The following ANO4 variants were observed in gnomAD, a reference collection of about 807,000 sequenced individuals.
The protein encoded by ANO4 is anoctamin-4.
Under a neutral mutation model 141.9 loss-of-function variants are expected in ANO4, and 69 were observed. That is an observed-to-expected ratio of 0.49 (90% CI 0.40 to 0.59). The LOEUF is 0.59. Among genes scored for constraint, ANO4 ranks in the 20% least tolerant of loss-of-function variants. The probability of loss-of-function intolerance (pLI) is 0.00; values close to 1 mark genes in which losing one functional copy is unlikely to be tolerated. For missense variants in ANO4, 894 were observed against 1,162.2 expected, an observed-to-expected ratio of 0.77 and a Z score of 3.36; for synonymous variants, 350 against 394.3, an observed-to-expected ratio of 0.89 and a Z score of 1.33.
intron 1 of ANO4, among the ~76,000 whole-genome samples, chr12:100,723,436 C>A (rs1030915362): frequency 5.9e-5 from 9 of 152,040 alleles, no homozygotes; most frequent in Non-Finnish European, 1.2e-4. Context: ...TTGGTGTGTG[C>A]TCAGGGACAG....
intron 1 of ANO4, among the ~76,000 whole-genome samples, chr12:100,831,752 T>A (rs1282333302): frequency 6.6e-6 from 1 of 152,108 alleles, no homozygotes; most frequent in Non-Finnish European, 1.5e-5. Context: ...ACATGGGTTT[T>A]GCATGGCTAG....
chr12:100,941,008 A>G (rs2042487677), intron 4 of ANO4, among the ~76,000 whole-genome samples: 2 of 152,228 alleles, frequency 1.3e-5, no homozygotes, highest in Admixed American at 1.3e-4. Context: ...CATCTGATTT[A>G]TGAACCAGAA....
intron 5 of ANO4, among the ~76,000 whole-genome samples, chr12:100,954,121 A>G (rs2043083484): frequency 1.3e-5 from 2 of 152,152 alleles, no homozygotes. Context: ...TTCTTCTTTA[A>G]AATTCTTCCC....
intron 5 of ANO4, among the ~76,000 whole-genome samples, chr12:100,971,039 T>C (rs554297625): frequency 1.3e-5 from 2 of 152,340 alleles, no homozygotes; most frequent in African/African-American, 4.8e-5. Context: ...AACTTGTTTT[T>C]GCCTATCTTC....
chr12:100,961,931 T>C (rs2043442986), intron 5 of ANO4, among the ~76,000 whole-genome samples: 1 of 152,202 alleles, frequency 6.6e-6, no homozygotes, highest in Non-Finnish European at 1.5e-5. Context: ...TTTCCTTGGA[T>C]ACCCTGATGA....
chr12:100,917,845 C>A (rs2136088014), intron 2 of ANO4, among the ~76,000 whole-genome samples: 1 of 152,174 alleles, frequency 6.6e-6, no homozygotes, highest in South Asian at 2.1e-4. Context: ...CATTTTGAAG[C>A]TGTTTGGTTT....
At chr12:101,028,096 C>T (rs1369996428) in intron 9 of ANO4, among the ~76,000 whole-genome samples, 3 of 152,030 alleles carry the variant, frequency 2.0e-5, no homozygotes, top group Non-Finnish European at 4.4e-5. Context: ...AGGGACCTGA[C>T]CAGTGAAAGA....
intron 3 of ANO4, among the ~76,000 whole-genome samples, chr12:100,756,864 G>A (rs2032636050): frequency 6.6e-6 from 1 of 151,966 alleles, no homozygotes; most frequent in African/African-American, 2.4e-5. Flanking sequence ...TGCTTTTCCT[G>A]GTCTTGTCCA....
At chr12:100,879,852 A>C (rs947340634) in intron 1 of ANO4, among the ~76,000 whole-genome samples, 1 of 152,232 alleles carries the variant, frequency 6.6e-6, no homozygotes, top group Non-Finnish European at 1.5e-5. Flanking sequence ...ATTACAAAGT[A>C]ATGGGATACA....
At chr12:100,890,668 T>C (rs533757788) in intron 1 of ANO4, among the ~76,000 whole-genome samples, 29 of 152,244 alleles carry the variant, frequency 1.9e-4, no homozygotes, top group Non-Finnish European at 3.4e-4. Context: ...CACAGCAAAA[T>C]TGACTGCAAA....
intron 25 of ANO4, among the ~76,000 whole-genome samples, chr12:101,118,756 T>C (rs1052501267): frequency 2.0e-5 from 3 of 152,116 alleles, no homozygotes; most frequent in African/African-American, 7.2e-5. Flanking sequence ...CTAGAGTACA[T>C]GTGCACAGCA....
chr12:100,736,622 C>A (rs1181555118), intron 2 of ANO4, among the ~76,000 whole-genome samples: 1 of 152,134 alleles, frequency 6.6e-6, no homozygotes, highest in Admixed American at 6.5e-5. Context: ...AAGTTCGAAT[C>A]CCCAGTACCT....
chr12:100,933,266 C>T (rs2042153976), intron 3 of ANO4, among the ~76,000 whole-genome samples: 1 of 152,054 alleles, frequency 6.6e-6, no homozygotes, highest in Non-Finnish European at 1.5e-5. Context: ...ATATCCCTCC[C>T]CGAGCCCCCC....
At chr12:100,733,272 G>T (rs1293774292) in intron 1 of ANO4, among the ~76,000 whole-genome samples, 1 of 152,134 alleles carries the variant, frequency 6.6e-6, no homozygotes, top group African/African-American at 2.4e-5. Flanking sequence ...GAAGCTGCCT[G>T]TGGCCTCTCA....
chr12:100,824,499 A>T (rs943663764), intron 1 of ANO4, among the ~76,000 whole-genome samples: 1 of 152,066 alleles, frequency 6.6e-6, no homozygotes, highest in African/African-American at 2.4e-5. Flanking sequence ...AGATTTTCTA[A>T]ATATCAGTTT....
intron 1 of ANO4, among the ~76,000 whole-genome samples, chr12:100,854,978 T>C (rs534467747): frequency 6.6e-6 from 1 of 151,996 alleles, no homozygotes; most frequent in Admixed American, 6.5e-5. Flanking sequence ...AGCTTTCACC[T>C]CATGTGGTCC....
chr12:101,052,883 A>G (rs1445066057), intron 14 of ANO4, among the ~76,000 whole-genome samples: 2 of 152,228 alleles, frequency 1.3e-5, no homozygotes, highest in Non-Finnish European at 2.9e-5. Context: ...AGATGAGGAT[A>G]CTGAGGCTCA....
At chr12:101,062,535 A>G (rs761088309) in intron 14 of ANO4, among the ~76,000 whole-genome samples, 8 of 152,232 alleles carry the variant, frequency 5.3e-5, no homozygotes, top group Non-Finnish European at 8.8e-5. Context: ...AGTTTTATCT[A>G]TAAGCCCCTG....
At chr12:101,056,323 A>G (rs2136700317) in intron 14 of ANO4, among the ~76,000 whole-genome samples, 1 of 151,350 alleles carries the variant, frequency 6.6e-6, no homozygotes, top group Non-Finnish European at 1.5e-5. Context: ...TATTTTGTTA[A>G]ATTTATGCCT....
Sources: gnomAD v4.1 joint callset for allele counts (sites outside exome capture counted in the v4.1 genomes callset) on GRCh38, gnomAD v4.1.1 for gene constraint, MANE v1.5 for transcripts, NCBI Gene and HGNC (gene_info 2026-07-23, HGNC 2026-07-21) for gene names.